LEPROT: variants seen among roughly 807,000 people sequenced by gnomAD.
LEPROT encodes leptin receptor gene-related protein.
LEPROT carries 3 observed loss-of-function variants against 15.4 expected under a neutral mutation model. The ratio of observed to expected loss-of-function variants is 0.19; its 90% CI spans 0.09 to 0.50. The LOEUF is 0.50. Among genes scored for constraint, LEPROT ranks in the 20% least tolerant of loss-of-function variants. The probability of loss-of-function intolerance (pLI) is 0.97; values close to 1 mark genes in which losing one functional copy is unlikely to be tolerated. For synonymous variants in LEPROT, 59 were observed against 57.5 expected, an observed-to-expected ratio of 1.03 and a Z score of -0.12; for missense variants, 137 against 162.2, an observed-to-expected ratio of 0.84 and a Z score of 0.84.
At chr1:65,429,170 G>A (rs941098801) in intron 2 of LEPROT, among the ~76,000 whole-genome samples, 2 of 152,042 alleles carry the variant, frequency 1.3e-5, no homozygotes, top group African/African-American at 2.4e-5. Context: ...AGATGACCAG[G>A]GAAAGTTCTG....
rs1435990802 is a variant in LEPROT, at chr1:65,421,427, G to A, written c.16+687G>A. 2.0e-6 allele frequency: 3 copies of A among 1,536,106 alleles called. No homozygotes were observed. In the East Asian group the frequency reaches 7.3e-5, roughly 38 times the overall value. ...TATGGCTTCAGAGCAATGCGAGACG[G>A]AAAAGGTTTTTTGCAAGGCTTCCTG... On this transcript the variant is annotated intron_variant, in intron 1 of 3. Coordinates refer to ENST00000371065, the MANE Select transcript of LEPROT (RefSeq NM_017526.5).
rs1456609537 is a variant in LEPROT, at chr1:65,435,207, C to T, written c.*3288C>T. ...TTGTTTCTTTTCTTCCACTTAAGAA[C>T]TCATAGATTTTTCTTACTGTCCTAA... is the stretch of plus-strand genomic sequence containing the variant. On this transcript the variant is annotated 3_prime_UTR_variant, in exon 4 of 4. Transcript: ENST00000371065. 3 of 985,230 alleles carry T rather than the reference C, an allele frequency of 3.0e-6. No individual in the cohort carries two copies. The Admixed American group carries it at 1.8e-4, about 61-fold the overall frequency. The allele number at this position is 985,230 out of a possible 1,614,324, so 61.0% of individuals were successfully genotyped here. A position where few individuals can be genotyped will look rare whatever the true frequency, so the allele number is the denominator to read the frequency against.
At chr1:65,422,808 C>T (rs1044855176) in intron 1 of LEPROT, among the ~76,000 whole-genome samples, 2 of 152,206 alleles carry the variant, frequency 1.3e-5, no homozygotes, top group African/African-American at 4.8e-5. Flanking sequence ...AGGAGTGAGT[C>T]AGGCGATGGT....
intron 3 of LEPROT, 27 bp downstream of exon 3, chr1:65,430,075 C>A: frequency 6.5e-7 from 1 of 1,528,802 alleles, no homozygotes; most frequent in Non-Finnish European, 8.9e-7. Flanking sequence ...ATTGTTTTGC[C>A]CAACCGTTGC....
chr1:65,435,020 G>T lies in LEPROT; in HGVS notation c.*3101G>T, dbSNP rs1381042749. 3.0e-6 allele frequency: 3 copies of T among 985,294 alleles called. No individual in the cohort carries two copies. Among genetic ancestry groups the T allele is most frequent in the African/African-American group, 3.5e-5 (2 of 57,228 alleles). The allele number at this position is 985,294 out of a possible 1,614,324, so 61.0% of individuals were successfully genotyped here. ...TGCTGCACCTGCGTTTTTAGAGAAT[G>T]CCTCATAACCCACTGATTCTCATTC... On this transcript the variant is annotated 3_prime_UTR_variant, in exon 4 of 4. Transcript: ENST00000371065.
intron 1 of LEPROT, chr1:65,421,474 C>T: frequency 2.0e-6 from 3 of 1,536,044 alleles, no homozygotes; most frequent in Non-Finnish European, 2.6e-6. Context: ...GAAAACATTC[C>T]ATTTCTAATC....
At chr1:65,420,779 G>T (rs1470688374) in intron 1 of LEPROT, 39 bp downstream of exon 1, 2 of 1,568,536 alleles carry the variant, frequency 1.3e-6, no homozygotes, top group Non-Finnish European at 8.6e-7. Context: ...GTGTGGTGGG[G>T]TTGCCACCTC....
rs1646252242 is a variant in LEPROT at position 65,421,593 on chromosome 1, A to G, written c.16+853A>G. On this transcript the variant is annotated intron_variant, in intron 1 of 3. Transcript: ENST00000371065. ...CATCTGCTATAAACATGTAGATAGT[A>G]TATATACGAGTACGCCTCTGTTCAC... The G allele has an allele frequency of 3.0e-6, 3 of 1,001,164 alleles. No individual in the cohort carries two copies. The East Asian group carries it at 7.9e-5, about 26-fold the overall frequency. The allele number at this position is 1,001,164 out of a possible 1,614,324, so 62.0% of individuals were successfully genotyped here.
At chr1:65,430,340 T>A (rs1646461617) in intron 3 of LEPROT, 1 of 239,460 alleles carries the variant, frequency 4.2e-6, no homozygotes, top group East Asian at 8.1e-5. Flanking sequence ...AATCTTACAG[T>A]AATCCACAGA....
chr1:65,421,739 T>C (rs1247282998), intron 1 of LEPROT, among the ~76,000 whole-genome samples: 3 of 152,214 alleles, frequency 2.0e-5, no homozygotes, highest in African/African-American at 7.2e-5. Flanking sequence ...TCGACTGTGT[T>C]ATATATCCAT....
At chr1:65,422,877 G>A (rs9436738) in intron 1 of LEPROT, among the ~76,000 whole-genome samples, 19,152 of 152,184 alleles carry the variant, frequency 0.13, 1,267 homozygotes, top group Non-Finnish European at 0.14. Flanking sequence ...GGATGGCAGC[G>A]GTGATATATA....
chr1:65,434,943 C>T lies in LEPROT; in HGVS notation c.*3024C>T. The T allele has an allele frequency of 1.0e-6, 1 of 985,534 alleles. No individual in the cohort carries two copies. Among genetic ancestry groups the T allele is most frequent in the Non-Finnish European group, 1.2e-6 (1 of 830,016 alleles). 61.0% of individuals were successfully genotyped at this position (985,534 alleles called of 1,614,324 possible). Reference sequence around the variant, plus strand: ...GAATGCCTTGTGATTATCTTCTCCACATCTGAAATTCCTTTTGACACCTGC... The same window carrying T: ...GAATGCCTTGTGATTATCTTCTCCATATCTGAAATTCCTTTTGACACCTGC... On this transcript the variant is annotated 3_prime_UTR_variant, in exon 4 of 4. Transcript: ENST00000371065.
Position 65,435,948 on chromosome 1 carries a change from C to T in LEPROT, c.*4029C>T, listed in dbSNP as rs1646557347. 1 of 985,016 alleles carries T rather than the reference C, an allele frequency of 1.0e-6. No homozygotes were observed. Among genetic ancestry groups the T allele is most frequent in the South Asian group, 4.7e-5 (1 of 21,278 alleles). The allele number at this position is 985,016 out of a possible 1,614,324, so 61.0% of individuals were successfully genotyped here. A position where few individuals can be genotyped will look rare whatever the true frequency, so the allele number is the denominator to read the frequency against. ...AGCGTACAACAGTGATACATGTAAC[C>T]CCAAATGTGATGTGAGAGGACGATT... On this transcript the variant is annotated 3_prime_UTR_variant, in exon 4 of 4. Transcript: ENST00000371065.
chr1:65,433,582 A>C lies in LEPROT; in HGVS notation c.*1663A>C. 1.0e-6 allele frequency: 1 copy of C among 985,430 alleles called. No homozygotes were observed. The highest frequency in any genetic ancestry group is 1.2e-6 in the Non-Finnish European group (1 of 829,936). The allele number at this position is 985,430 out of a possible 1,614,324, so 61.0% of individuals were successfully genotyped here. Reference sequence around the variant, plus strand: ...TTAGCAGGTATGATGCTGGGACTGGAAAATAGAAAGTAATAACTAAAGGGT... The same window carrying C: ...TTAGCAGGTATGATGCTGGGACTGGCAAATAGAAAGTAATAACTAAAGGGT... On this transcript the variant is annotated 3_prime_UTR_variant, in exon 4 of 4. Transcript: ENST00000371065.
Position 65,435,719 on chromosome 1 carries a change from C to G in LEPROT, c.*3800C>G, listed in dbSNP as rs1389768698. The stretch of plus-strand genomic sequence containing the variant: ...ATCAGATTTTGTATCCCAATAGAAC[C>G]AAAATATTTATGAGGATGCTAGCAT... On this transcript the variant is annotated 3_prime_UTR_variant, in exon 4 of 4. Coordinates refer to ENST00000371065, the MANE Select transcript of LEPROT (RefSeq NM_017526.5). 29 of 985,208 alleles carry G rather than the reference C, an allele frequency of 2.9e-5. No homozygotes were observed. The highest frequency in any genetic ancestry group is 3.5e-5 in the Non-Finnish European group (29 of 829,910). The allele number at this position is 985,208 out of a possible 1,614,324, so 61.0% of individuals were successfully genotyped here. A position where few individuals can be genotyped will look rare whatever the true frequency, so the allele number is the denominator to read the frequency against.
In LEPROT at chr1:65,432,308, CCT is replaced by C. The variant is rs1457866092; in HGVS notation, c.*392_*393del. ...TGACCCAGGAAGGCCGGGGTGGATC[CCT>C]CTTTGTGTTGTAGTCCATGCTATTA... On this transcript the variant is annotated 3_prime_UTR_variant, in exon 4 of 4. Coordinates refer to ENST00000371065, the MANE Select transcript of LEPROT (RefSeq NM_017526.5). 1 of 992,460 alleles carries C rather than the reference CCT, an allele frequency of 1.0e-6. No individual in the cohort carries two copies. Among genetic ancestry groups the C allele is most frequent in the Non-Finnish European group, 1.2e-6 (1 of 834,568 alleles). The allele number at this position is 992,460 out of a possible 1,614,324, so 61.5% of individuals were successfully genotyped here.
In LEPROT at chr1:65,432,162, G is replaced by A. The variant is rs999621499; in HGVS notation, c.*243G>A. The A allele has an allele frequency of 6.1e-6, 7 of 1,150,148 alleles. No homozygotes were observed. The highest frequency in any genetic ancestry group is 2.7e-5 in the South Asian group (1 of 37,662). 71.2% of individuals were successfully genotyped at this position (1,150,148 alleles called of 1,614,324 possible). A position where few individuals can be genotyped will look rare whatever the true frequency, so the allele number is the denominator to read the frequency against. On this transcript the variant is annotated 3_prime_UTR_variant, in exon 4 of 4. Coordinates refer to ENST00000371065, the MANE Select transcript of LEPROT (RefSeq NM_017526.5). ...CTTGTTTGGCTGTTCATGTAGTCAC[G>A]GTGCTCTCAGAAAATATATTAACGC...
chr1:65,431,924 TTA>T lies in LEPROT; in HGVS notation c.*7_*8del, dbSNP rs767044078. The T allele has an allele frequency of 1.9e-6, 3 of 1,612,724 alleles. No individual in the cohort carries two copies. The highest frequency in any genetic ancestry group is 2.7e-5 in the African/African-American group (2 of 74,802). On this transcript the variant is annotated 3_prime_UTR_variant, in exon 4 of 4. Coordinates refer to ENST00000371065, the MANE Select transcript of LEPROT (RefSeq NM_017526.5). Reference sequence around the variant, plus strand: ...TTTAGCTGGGAGCAGTGGTAGCACTTTATTCTGATTACAGTGCATTGAATTTC... The same window carrying T: ...TTTAGCTGGGAGCAGTGGTAGCACTTTTCTGATTACAGTGCATTGAATTTC...
At chr1:65,423,112 C>T (rs1238884405) in intron 1 of LEPROT, among the ~76,000 whole-genome samples, 10 of 152,092 alleles carry the variant, frequency 6.6e-5, no homozygotes, top group South Asian at 2.1e-4. Flanking sequence ...TGGTTTTACA[C>T]GTGTTACACA....
Sources: allele counts gnomAD v4.1 joint callset (sites outside exome capture counted in the v4.1 genomes callset), GRCh38; gene constraint gnomAD v4.1.1; transcripts MANE v1.5; gene names NCBI Gene and HGNC (gene_info 2026-07-23, HGNC 2026-07-21).